The following WIF1 variants were observed in gnomAD, a reference collection of about 807,000 sequenced individuals.
The protein encoded by WIF1 is Wnt inhibitory factor 1.
In WIF1, 35 loss-of-function variants were observed where a neutral mutation model predicts 53.5. The ratio of observed to expected loss-of-function variants is 0.65; its 90% confidence interval spans 0.50 to 0.87. WIF1 has a LOEUF of 0.87. WIF1 is among the 40% of genes least tolerant of loss of function. The probability of loss-of-function intolerance (pLI) is 0.00; values close to 1 mark genes in which losing one functional copy is unlikely to be tolerated. For synonymous variants in WIF1, 171 were observed against 170.4 expected, an observed-to-expected ratio of 1.00 and a Z score of -0.03; for missense variants, 467 against 476.8, an observed-to-expected ratio of 0.98 and a Z score of 0.19.
intron 2 of WIF1, among the ~76,000 whole-genome samples, chr12:65,086,567 A>T (rs985825459): frequency 1.3e-5 from 2 of 152,276 alleles, no homozygotes; most frequent in African/African-American, 2.4e-5. Flanking sequence ...TTTCTGTTAG[A>T]TGCTAAGGCA....
chr12:65,110,679 T>TATTC (rs60778171), intron 2 of WIF1, among the ~76,000 whole-genome samples: 117,169 of 151,594 alleles, frequency 0.77, 45,410 homozygotes, highest in East Asian at 1. Flanking sequence ...CTACCTCACT[T>TATTC]ATTCATTCAA....
chr12:65,068,160 G>A (rs1332970467), intron 4 of WIF1, among the ~76,000 whole-genome samples: 1 of 152,066 alleles, frequency 6.6e-6, no homozygotes, highest in Non-Finnish European at 1.5e-5. Flanking sequence ...CATCTTTAGA[G>A]CACTGAAATG....
chr12:65,072,403 A>T (rs1882798062), intron 3 of WIF1, among the ~76,000 whole-genome samples: 1 of 152,128 alleles, frequency 6.6e-6, no homozygotes. Context: ...TATATATATT[A>T]TTTCATTGTG....
At chr12:65,111,892 T>C (rs1380370845) in intron 2 of WIF1, among the ~76,000 whole-genome samples, 2 of 152,206 alleles carry the variant, frequency 1.3e-5, no homozygotes, top group Non-Finnish European at 2.9e-5. Context: ...CCCTGTGAGA[T>C]TTTATTCAGA....
intron 2 of WIF1, among the ~76,000 whole-genome samples, chr12:65,088,305 CA>C (rs1201050469): frequency 6.6e-6 from 1 of 152,170 alleles, no homozygotes; most frequent in Non-Finnish European, 1.5e-5. Context: ...ACAAAGAAAA[CA>C]GAGATTACTA....
At chr12:65,093,770 G>A (rs1883160735) in intron 2 of WIF1, among the ~76,000 whole-genome samples, 2 of 152,072 alleles carry the variant, frequency 1.3e-5, no homozygotes, top group South Asian at 4.1e-4. Context: ...GTGGATAGGT[G>A]GATTCGGTTC....
intron 2 of WIF1, among the ~76,000 whole-genome samples, chr12:65,105,225 T>C (rs1189003298): frequency 6.6e-6 from 1 of 152,036 alleles, no homozygotes; most frequent in Non-Finnish European, 1.5e-5. Context: ...ATGGGGAGTT[T>C]GTTTATGCAG....
chr12:65,109,985 T>C (rs535982363), intron 2 of WIF1, among the ~76,000 whole-genome samples: 5 of 152,316 alleles, frequency 3.3e-5, no homozygotes, highest in Admixed American at 3.3e-4. Context: ...GAGAAGAGAA[T>C]CTTTATGCTT....
At chr12:65,052,909 C>G (rs899202639) in intron 9 of WIF1, among the ~76,000 whole-genome samples, 1 of 152,176 alleles carries the variant, frequency 6.6e-6, no homozygotes, top group Non-Finnish European at 1.5e-5. Flanking sequence ...GTGCTCCCCT[C>G]TTCATCACTT....
intron 2 of WIF1, among the ~76,000 whole-genome samples, chr12:65,114,090 G>T (rs1883473485): frequency 6.6e-6 from 1 of 152,190 alleles, no homozygotes; most frequent in Non-Finnish European, 1.5e-5. Flanking sequence ...TAACTGCAGG[G>T]TTGGAAAGAA....
chr12:65,102,865 C>A (rs1277127749), intron 2 of WIF1, among the ~76,000 whole-genome samples: 2 of 152,170 alleles, frequency 1.3e-5, no homozygotes, highest in Non-Finnish European at 2.9e-5. Context: ...GGACAACTAT[C>A]TATAACCAAG....
rs1030243831 is a variant in WIF1, at chr12:65,108,804, A to G, written c.288+11613T>C. On this transcript the variant is annotated intron_variant, in intron 2 of 9. Coordinates refer to ENST00000286574, the MANE Select transcript of WIF1 (RefSeq NM_007191.5). The stretch of plus-strand genomic sequence containing the variant: ...GAATATTCCTGGACTCTACCAGTCA[A>G]TAGGCTTACATTTAGAGTCCTACCT... Among the ~76,000 whole-genome samples, 8 of 152,346 alleles carry G rather than the reference A, an allele frequency of 5.3e-5. 1 individual carries two copies. In the Middle Eastern group the frequency reaches 0.01, roughly 194 times the overall value.
At chr12:65,054,748 A>C (rs1039295386) in intron 9 of WIF1, among the ~76,000 whole-genome samples, 43 of 152,218 alleles carry the variant, frequency 2.8e-4, no homozygotes, top group African/African-American at 1.0e-3. Context: ...CATTTGATTT[A>C]AAATCTTAGT....
chr12:65,104,312 T>C (rs749570482), intron 2 of WIF1, among the ~76,000 whole-genome samples: 118 of 152,324 alleles, frequency 7.7e-4, no homozygotes, highest in East Asian at 3.9e-4. Flanking sequence ...GTATAAACTC[T>C]TCTTGGTCAA....
At chr12:65,080,970 TA>T (rs1882939997) in intron 2 of WIF1, among the ~76,000 whole-genome samples, 1 of 152,082 alleles carries the variant, frequency 6.6e-6, no homozygotes, top group Non-Finnish European at 1.5e-5. Flanking sequence ...TAATTTAATT[TA>T]AAAAATAAAC....
chr12:65,068,739 C>G (rs775479964), intron 4 of WIF1, 25 bp downstream of exon 4: 3 of 1,610,470 alleles, frequency 1.9e-6, no homozygotes, highest in Non-Finnish European at 2.5e-6. Context: ...AACATGTCTT[C>G]TCTTGAATCA....
chr12:65,079,367 T>A (rs1398640203), intron 2 of WIF1, among the ~76,000 whole-genome samples: 1 of 152,098 alleles, frequency 6.6e-6, no homozygotes, highest in Non-Finnish European at 1.5e-5. Flanking sequence ...TATTCAAAAT[T>A]GTAAAACCCT....
chr12:65,121,167 C>G lies in WIF1; in HGVS notation c.25G>C (p.Ala9Pro). The change falls in exon 1 of 10, where the codon GCC becomes CCC. Residue 9 changes from alanine (A) to proline (P), a missense_variant. Ala to Pro is a conservative substitution (Grantham distance 27). Transcript: ENST00000286574. Reference protein sequence around the residue: MARRSAFPAAALWLWSILL... With the variant: MARRSAFPPAALWLWSILL... ...ATGCTCCAGAGCCAGAGCGCGGCGGCAGGGAAGGCGCTCCTCCGGGCCATG... is the reference window on the plus strand; with the variant it reads ...ATGCTCCAGAGCCAGAGCGCGGCGGGAGGGAAGGCGCTCCTCCGGGCCATG... 1 of 1,545,668 alleles carries G rather than the reference C, an allele frequency of 6.5e-7. No homozygotes were observed. The highest frequency in any genetic ancestry group is 1.2e-5 in the South Asian group (1 of 82,506).
intron 3 of WIF1, 115 bp downstream of exon 3, chr12:65,077,631 G>T: frequency 1.4e-6 from 1 of 739,466 alleles, no homozygotes; most frequent in Non-Finnish European, 2.2e-6. Context: ...AAAATCAACA[G>T]ATGTCTTCAG....
Sources: gnomAD v4.1 joint callset for allele counts (sites outside exome capture counted in the v4.1 genomes callset) on GRCh38, gnomAD v4.1.1 for gene constraint, MANE v1.5 for transcripts, NCBI Gene and HGNC (gene_info 2026-07-23, HGNC 2026-07-21) for gene names.